SLIT1: variants seen among roughly 807,000 people sequenced by gnomAD.
SLIT1 encodes slit guidance ligand 1, also known as slit homolog 1 protein.
In SLIT1, 66 loss-of-function variants were observed where a neutral mutation model predicts 186.1. The observed-to-expected ratio is 0.35, with a 90% CI of 0.29 to 0.44. SLIT1 has a LOEUF of 0.44. Ranked by LOEUF, SLIT1 falls within the 20% of genes least tolerant of loss-of-function variation. The pLI, the probability that SLIT1 is intolerant of heterozygous loss-of-function variation, is 1.00. For missense variants in SLIT1, 1,638 were observed against 2,037.4 expected (o/e 0.80, Z 3.77); for synonymous variants, 761 against 833.8 (o/e 0.91, Z 1.50).
chr10:97,151,020 G>C lies in SLIT1; in HGVS notation c.413+6798C>G, dbSNP rs150272492. ...TGCCCCCCCGCCGGAAGGAGATATA[G>C]GTCCAGCCAGTGCAGCACCTGCCCC... On this transcript the variant is annotated intron_variant, in intron 4 of 36. Transcript: ENST00000266058. Among the ~76,000 whole-genome samples, 540 of 151,874 alleles carry C rather than the reference G, an allele frequency of 3.6e-3. 5 individuals are homozygous for C. The highest frequency in any genetic ancestry group is 0.012 in the African/African-American group (511 of 41,364).
chr10:97,065,973 C>G, intron 5 of SLIT1, 42 bp downstream of exon 5: 1 of 1,451,268 alleles, frequency 6.9e-7, no homozygotes, highest in Non-Finnish European at 9.6e-7. Flanking sequence ...AGGAGTGGCC[C>G]TGGAGCCCCC....
chr10:97,033,110 G>C (rs1328733449), intron 23 of SLIT1, among the ~76,000 whole-genome samples: 1 of 150,650 alleles, frequency 6.6e-6, no homozygotes, highest in Non-Finnish European at 1.5e-5. Context: ...GTGCAGGGGT[G>C]TGATCTTGGC....
chr10:97,145,121 CA>C (rs1218273526), intron 4 of SLIT1, among the ~76,000 whole-genome samples: 4 of 152,130 alleles, frequency 2.6e-5, no homozygotes, highest in Admixed American at 6.5e-5. Flanking sequence ...AAATGATGTA[CA>C]GTATTATTGT....
intron 4 of SLIT1, among the ~76,000 whole-genome samples, chr10:97,089,169 T>C (rs1849201459): frequency 6.6e-6 from 1 of 151,834 alleles, no homozygotes; most frequent in Admixed American, 6.6e-5. Context: ...AGGGAGGCAG[T>C]CCAGAGCCAG....
At chr10:97,016,694 G>T (rs1411880861) in intron 28 of SLIT1, among the ~76,000 whole-genome samples, 1 of 152,144 alleles carries the variant, frequency 6.6e-6, no homozygotes, top group Non-Finnish European at 1.5e-5. Context: ...ATTCTTAAAT[G>T]TTAATAATAT....
At position 97,040,076 on chromosome 10, in the gene SLIT1, C is replaced by CCTGTGGGCA; in HGVS notation, c.2200_2208dup (p.Cys734_Gln736dup). On this transcript the variant is annotated inframe_insertion, in exon 21 of 37. Coordinates refer to ENST00000266058, the MANE Select transcript of SLIT1 (RefSeq NM_003061.3). ...ACCACGGTGTCCAGGCAGGCGCACT[C>CCTGTGGGCA]CTGTGGGCACTGTGGGCGGGGCAGG... The CCTGTGGGCA allele has an allele frequency of 1.2e-6, 2 of 1,604,842 alleles. No individual in the cohort carries two copies. The highest frequency in any genetic ancestry group is 1.7e-6 in the Non-Finnish European group (2 of 1,175,850).
chr10:97,050,983 GA>G (rs35412325), intron 13 of SLIT1, among the ~76,000 whole-genome samples: 15,791 of 151,876 alleles, frequency 0.1, 877 homozygotes, highest in African/African-American at 0.15. Flanking sequence ...TCAAGAGGAA[GA>G]AAAAAAATTC....
At chr10:97,124,189 TA>T (rs1849584176) in intron 4 of SLIT1, among the ~76,000 whole-genome samples, 1 of 152,206 alleles carries the variant, frequency 6.6e-6, no homozygotes, top group Non-Finnish European at 1.5e-5. Flanking sequence ...ACAATCTAAA[TA>T]TGAAAAATGG....
intron 4 of SLIT1, among the ~76,000 whole-genome samples, chr10:97,078,034 G>A (rs1350372681): frequency 6.6e-6 from 1 of 152,156 alleles, no homozygotes; most frequent in Admixed American, 6.5e-5. Flanking sequence ...TCAAGCCAAG[G>A]AGGTGGAAGC....
At chr10:97,174,306 A>C (rs909876266) in intron 1 of SLIT1, among the ~76,000 whole-genome samples, 8 of 152,250 alleles carry the variant, frequency 5.3e-5, no homozygotes, top group Non-Finnish European at 1.0e-4. Context: ...TGCTCACTGA[A>C]TATAGGCTGC....
intron 8 of SLIT1, among the ~76,000 whole-genome samples, chr10:97,062,741 G>A (rs950924556): frequency 1.2e-4 from 18 of 152,374 alleles, no homozygotes; most frequent in African/African-American, 4.1e-4. Flanking sequence ...GGGAGGCAGC[G>A]GTGGCCCTGG....
At chr10:97,084,179 C>T (rs971077104) in intron 4 of SLIT1, among the ~76,000 whole-genome samples, 3 of 152,220 alleles carry the variant, frequency 2.0e-5, no homozygotes, top group African/African-American at 7.2e-5. Flanking sequence ...GCTCAGGAGC[C>T]TTCATCTTAG....
chr10:97,067,923 G>A (rs1449378941), intron 4 of SLIT1, among the ~76,000 whole-genome samples: 5 of 152,114 alleles, frequency 3.3e-5, no homozygotes, highest in East Asian at 1.9e-4. Flanking sequence ...GCCGCACACC[G>A]CCCCTTGAAC....
At chr10:97,031,123 G>C (rs1017416573) in intron 24 of SLIT1, among the ~76,000 whole-genome samples, 3 of 152,186 alleles carry the variant, frequency 2.0e-5, no homozygotes, top group Admixed American at 1.3e-4. Context: ...TAAGGGGGGA[G>C]GCGCTTCTTC....
chr10:97,041,333 G>C (rs1055912312), intron 20 of SLIT1, among the ~76,000 whole-genome samples: 5 of 152,144 alleles, frequency 3.3e-5, no homozygotes, highest in African/African-American at 1.2e-4. Context: ...GGTTTTCACA[G>C]GTGGCCCTGC....
In SLIT1 at chr10:97,031,740, G is replaced by A. The variant is rs577784180; in HGVS notation, c.2439-63C>T. 1.2e-4 allele frequency: 167 copies of A among 1,346,018 alleles called. No homozygotes were observed. The Admixed American group carries it at 1.5e-3, about 12-fold the overall frequency. The allele number at this position is 1,346,018 out of a possible 1,614,324, so 83.4% of individuals were successfully genotyped here. On this transcript the variant is annotated intron_variant, in intron 23 of 36. Transcript: ENST00000266058. ...GTGCCTGGCCCCTGTGGGCACAGCCGCCGCCCAGGACGTGGAGGTCCCTCT... is the reference window on the plus strand; with the variant it reads ...GTGCCTGGCCCCTGTGGGCACAGCCACCGCCCAGGACGTGGAGGTCCCTCT...
intron 4 of SLIT1, 189 bp downstream of exon 4, chr10:97,157,629 A>C (rs1039836715): frequency 9.7e-6 from 6 of 618,054 alleles, no homozygotes; most frequent in African/African-American, 9.1e-5. Context: ...TGCCATGGAG[A>C]AATACCCTGC....
In SLIT1 at chr10:97,006,712, A is replaced by T; in HGVS notation, c.3350T>A (p.Leu1117His). 1.2e-6 allele frequency: 2 copies of T among 1,612,748 alleles called. No individual in the cohort carries two copies. The highest frequency in any genetic ancestry group is 1.7e-6 in the Non-Finnish European group (2 of 1,178,864). The change falls in exon 32 of 37, where the codon CTC (leucine) becomes CAC (histidine). Residue 1117 changes from leucine to histidine, a missense_variant. By Grantham distance (99) the Leu-to-His change is moderately conservative (BLOSUM62 -3). Coordinates refer to ENST00000266058, the MANE Select transcript of SLIT1 (RefSeq NM_003061.3). This position sits in a 1 kb window ranked among gnomAD's most constrained non-coding sequence, Gnocchi z 4.0. Reference protein sequence around the residue: ...CLCAEGYSGQLCEIPPHLPAP... With the variant: ...CLCAEGYSGQHCEIPPHLPAP... ...AGGCAGATGGGGAGGGATCTCACAG[A>T]GCTGTCCACTGAGAGGAAAGGACAT...
chr10:97,117,039 C>T (rs139968943), intron 4 of SLIT1, among the ~76,000 whole-genome samples: 2 of 152,298 alleles, frequency 1.3e-5, no homozygotes, highest in African/African-American at 4.8e-5. Context: ...TCTCTCCCTC[C>T]CTCCCCATCC....
Sources: gnomAD v4.1 joint callset for allele counts (sites outside exome capture counted in the v4.1 genomes callset) on GRCh38, gnomAD v4.1.1 for gene constraint, Gnocchi (gnomAD v3.1) non-coding constraint, MANE v1.5 for transcripts, NCBI Gene and HGNC (gene_info 2026-07-23, HGNC 2026-07-21) for gene names.